The following CAPN13 variants were observed in gnomAD, a reference collection of about 807,000 sequenced individuals.
The protein encoded by CAPN13 is calpain-13.
In CAPN13, 90 loss-of-function variants were observed where a neutral mutation model predicts 98.4. The observed-to-expected ratio is 0.92, with a 90% CI of 0.77 to 1.09. CAPN13 has a LOEUF of 1.09. Ranked by LOEUF, CAPN13 falls within the 50% of genes least tolerant of loss-of-function variation. The pLI is 0.00. For missense variants in CAPN13, 887 were observed against 841.3 expected (o/e 1.05, Z -0.67); for synonymous variants, 330 against 305.5 (o/e 1.08, Z -0.84).
chr2:30,747,481 G>T (rs1671971239), intron 11 of CAPN13, among the ~76,000 whole-genome samples: 1 of 152,238 alleles, frequency 6.6e-6, no homozygotes, highest in African/African-American at 2.4e-5. Context: ...AAGGTGGAAA[G>T]TCCAGGCCTT....
chr2:30,782,681 T>C (rs1200392350), intron 2 of CAPN13, among the ~76,000 whole-genome samples: 1 of 152,220 alleles, frequency 6.6e-6, no homozygotes, highest in Non-Finnish European at 1.5e-5. Context: ...ACAACGGGGC[T>C]GTGCTGAGCT....
chr2:30,792,336 G>A (rs1344334530), intron 1 of CAPN13, among the ~76,000 whole-genome samples: 1 of 152,036 alleles, frequency 6.6e-6, no homozygotes, highest in Non-Finnish European at 1.5e-5. Flanking sequence ...GTGAAAGAGA[G>A]AAAACATAAA....
chr2:30,805,019 T>G (rs1675526559), intron 1 of CAPN13, among the ~76,000 whole-genome samples: 1 of 152,178 alleles, frequency 6.6e-6, no homozygotes, highest in Non-Finnish European at 1.5e-5. Flanking sequence ...TCTTGGTCCC[T>G]TTTTTACTCC....
chr2:30,794,944 G>T (rs774077630), intron 1 of CAPN13, among the ~76,000 whole-genome samples: 2 of 151,808 alleles, frequency 1.3e-5, no homozygotes, highest in Non-Finnish European at 2.9e-5. Flanking sequence ...CATCTTGAGT[G>T]TCATGATGAT....
intron 4 of CAPN13, among the ~76,000 whole-genome samples, chr2:30,773,362 A>C (rs535489035): frequency 2.0e-3 from 301 of 152,358 alleles, no homozygotes; most frequent in African/African-American, 6.8e-3. Flanking sequence ...TTATTCAAGG[A>C]AATTCTATCT....
chr2:30,794,417 A>G (rs891155813), intron 1 of CAPN13, among the ~76,000 whole-genome samples: 3 of 151,926 alleles, frequency 2.0e-5, no homozygotes, highest in African/African-American at 7.2e-5. Context: ...ATGGGGAGAT[A>G]GAAAACTGGA....
At position 30,745,678 on chromosome 2, in the gene CAPN13, C is replaced by G. The variant is rs374704524; in HGVS notation, c.1248+45G>C. The G allele has an allele frequency of 1.3e-4, 204 of 1,592,688 alleles. 1 individual carries two copies. Among genetic ancestry groups the G allele is most frequent in the Non-Finnish European group, 1.6e-4 (186 of 1,176,956 alleles). On this transcript the variant is annotated intron_variant, in intron 12 of 22. Transcript: ENST00000295055. ...TGGAAGTGGCCTAACACTCCACCAG[C>G]AGACAGCAGCAGAGGCGCAGGGCAA...
intron 17 of CAPN13, chr2:30,737,988 C>CACA (rs1671459917): frequency 1.8e-6 from 1 of 542,914 alleles, no homozygotes; most frequent in African/African-American, 1.9e-5. Flanking sequence ...CACACACACA[C>CACA]ACACACACAC....
At position 30,776,622 on chromosome 2, in the gene CAPN13, G is replaced by T. The variant is rs564875535; in HGVS notation, c.272-577C>A. 4.6e-5 allele frequency among the ~76,000 whole-genome samples: 7 copies of T among 152,274 alleles called. No individual in the cohort carries two copies. In the East Asian group the frequency reaches 1.4e-3, roughly 29 times the overall value. On this transcript the variant is annotated intron_variant, in intron 3 of 22. Coordinates refer to ENST00000295055, the MANE Select transcript of CAPN13 (RefSeq NM_144575.3). ...TTTTTCTTTGCTGTTAGCTCAGCCC[G>T]TCCCTGTGCAGAAGTAGGGGGACGT...
chr2:30,776,096 C>A (rs1189259066), intron 3 of CAPN13, 51 bp from the exon 4 acceptor site: 17 of 1,243,614 alleles, frequency 1.4e-5, no homozygotes, highest in Non-Finnish European at 1.8e-5. Flanking sequence ...CTTGGAAACC[C>A]TCCCCCATAA....
chr2:30,752,462 CAG>C (rs1175353478), intron 10 of CAPN13, among the ~76,000 whole-genome samples: 1 of 152,208 alleles, frequency 6.6e-6, no homozygotes, highest in Admixed American at 6.5e-5. Flanking sequence ...AGATTCATCT[CAG>C]GGGAGCTCAA....
At chr2:30,732,967 T>C (rs920677472) in intron 19 of CAPN13, among the ~76,000 whole-genome samples, 1 of 152,128 alleles carries the variant, frequency 6.6e-6, no homozygotes, top group Non-Finnish European at 1.5e-5. Flanking sequence ...ATGCTGCTAG[T>C]GTAGGTGGGA....
chr2:30,727,659 G>C (rs1255189197), intron 22 of CAPN13, among the ~76,000 whole-genome samples: 1 of 152,142 alleles, frequency 6.6e-6, no homozygotes, highest in Non-Finnish European at 1.5e-5. Context: ...CAATGACAAG[G>C]GTTGCTGAGG....
chr2:30,780,138 CAA>C (rs996900313), intron 2 of CAPN13, among the ~76,000 whole-genome samples: 6 of 152,204 alleles, frequency 3.9e-5, no homozygotes, highest in Non-Finnish European at 7.4e-5. Flanking sequence ...TTAAAGTTAC[CAA>C]AGAGTATCAC....
intron 1 of CAPN13, among the ~76,000 whole-genome samples, chr2:30,806,740 A>G (rs1229091226): frequency 2.6e-5 from 4 of 152,238 alleles, no homozygotes; most frequent in Non-Finnish European, 2.9e-5. Flanking sequence ...ACACCACTAG[A>G]GGCATATAGG....
At chr2:30,803,173 A>G (rs969686103) in intron 1 of CAPN13, among the ~76,000 whole-genome samples, 1 of 152,220 alleles carries the variant, frequency 6.6e-6, no homozygotes, top group Non-Finnish European at 1.5e-5. Context: ...GTTAAGGATT[A>G]GAGTGGGGAG....
At chr2:30,749,443 G>A (rs749502729) in intron 11 of CAPN13, among the ~76,000 whole-genome samples, 1 of 152,204 alleles carries the variant, frequency 6.6e-6, no homozygotes, top group East Asian at 1.9e-4. Flanking sequence ...GCATAGGATT[G>A]TTCAGCCATG....
chr2:30,746,947 A>G (rs1030534127), intron 11 of CAPN13, among the ~76,000 whole-genome samples: 2 of 152,204 alleles, frequency 1.3e-5, no homozygotes, highest in African/African-American at 4.8e-5. Flanking sequence ...GGAGATTTTG[A>G]CAGATAGCAC....
In CAPN13 at chr2:30,743,466, C is replaced by G. The variant is rs747961078; in HGVS notation, c.1362G>C (p.Gly454=). ...GTGTCTGTGCAACCACAACATAGTT[C>G]CCAGGGCTCAGATGGTAAGTCATGG... ...NFTMTYHLSP[G]NYVVVAQTRR... The change falls in exon 13 of 23, where the codon GGG becomes GGC. Residue 454 remains glycine, a synonymous_variant. Coordinates refer to ENST00000295055, the MANE Select transcript of CAPN13 (RefSeq NM_144575.3). 5 of 1,613,936 alleles carry G rather than the reference C, an allele frequency of 3.1e-6. No individual in the cohort carries two copies. Among genetic ancestry groups the G allele is most frequent in the East Asian group, 2.2e-5 (1 of 44,886 alleles).
Sources: gnomAD v4.1 joint callset for allele counts (sites outside exome capture counted in the v4.1 genomes callset) on GRCh38, gnomAD v4.1.1 for gene constraint, MANE v1.5 for transcripts, NCBI Gene and HGNC (gene_info 2026-07-23, HGNC 2026-07-21) for gene names.